PPP1R3E: variants seen among roughly 807,000 people sequenced by gnomAD.
The protein encoded by PPP1R3E is protein phosphatase 1 regulatory subunit 3E, also known as protein phosphatase 1, regulatory (inhibitor) subunit 3E.
In PPP1R3E, 20 loss-of-function variants were observed where a neutral mutation model predicts 18.5. The ratio of observed to expected loss-of-function variants is 1.08; its 90% CI spans 0.76 to 1.58. The LOEUF is 1.58. Among genes scored for constraint, PPP1R3E ranks in the 40% most tolerant of loss-of-function variants. PPP1R3E has a pLI of 0.00. For synonymous variants in PPP1R3E, 208 were observed against 208.1 expected, an observed-to-expected ratio of 1.00 and a Z score of 0.00; for missense variants, 498 against 460.2, an observed-to-expected ratio of 1.08 and a Z score of -0.75.
At chr14:23,301,907 G>C in intron 1 of PPP1R3E, 49 bp from the exon 2 acceptor site, 1 of 1,396,626 alleles carries the variant, frequency 7.2e-7, no homozygotes, top group Non-Finnish European at 9.2e-7. Flanking sequence ...GGAGAGAGGG[G>C]AGAGACAGGG....
rs1375764670 is a variant in PPP1R3E at position 23,301,862 on chromosome 14, G to A, written c.418-4C>T. 1 of 1,428,904 alleles carries A rather than the reference G, an allele frequency of 7.0e-7. No homozygotes were observed. 88.5% of individuals were successfully genotyped at this position (1,428,904 alleles called of 1,614,324 possible). A position where few individuals can be genotyped will look rare whatever the true frequency, so the allele number is the denominator to read the frequency against. ...GCTCCAGGGCGGCGCGCGCCTCCTGGGGGAAAGAAGAAGCGGGAGGAGGGA... is the reference window on the plus strand; with the variant it reads ...GCTCCAGGGCGGCGCGCGCCTCCTGAGGGAAAGAAGAAGCGGGAGGAGGGA... On this transcript the variant is annotated splice_polypyrimidine_tract_variant and splice_region_variant and intron_variant, in intron 1 of 4. Coordinates refer to ENST00000452015, the MANE Select transcript of PPP1R3E (RefSeq NM_001276318.2).
chr14:23,297,939 C>T lies in PPP1R3E; in HGVS notation c.*1365G>A, dbSNP rs1461526241. 1 of 152,128 alleles carries T rather than the reference C, an allele frequency of 6.6e-6. No homozygotes were observed. Among genetic ancestry groups the T allele is most frequent in the African/African-American group, 2.4e-5 (1 of 41,386 alleles). The allele number at this position is 152,128 out of a possible 1,614,324, so 9.4% of individuals were successfully genotyped here. ...TCCTAGAAAAGGCCCAAGCACAGAC[C>T]CTCTAGCAGGTGTCCTAGTCACGGA... On this transcript the variant is annotated 3_prime_UTR_variant, in exon 5 of 5. Transcript: ENST00000452015.
rs3079707 is a variant in PPP1R3E at position 23,299,927 on chromosome 14, G to GTTTTTTTTTTTTTTTTTTTT, written c.*246-406_*246-387dup. 1.1e-3 allele frequency among the ~76,000 whole-genome samples: 108 copies of GTTTTTTTTTTTTTTTTTTTT among 100,644 alleles called. 5 individuals carry two copies. Among genetic ancestry groups the GTTTTTTTTTTTTTTTTTTTT allele is most frequent in the South Asian group, 1.9e-3 (5 of 2,682 alleles). The allele number at this position is 100,644 out of a possible 152,430, so 66.0% of individuals were successfully genotyped here. Reference sequence around the variant, plus strand: ...GTTGCTTTGGTGTTTTTTTGTTTTTGTTTTTTTTTTTTTTTTTTTTTTACA... The same window carrying GTTTTTTTTTTTTTTTTTTTT: ...GTTGCTTTGGTGTTTTTTTGTTTTTGTTTTTTTTTTTTTTTTTTTTTTTTTTTTTTTTTTTTTTTTTTACA... On this transcript the variant is annotated intron_variant, in intron 3 of 4. Coordinates refer to ENST00000452015, the MANE Select transcript of PPP1R3E (RefSeq NM_001276318.2).
chr14:23,301,631 C>CG lies in PPP1R3E; in HGVS notation c.644dup (p.Pro216AlafsTer40). The CG allele has an allele frequency of 7.2e-7, 1 of 1,384,662 alleles. No individual in the cohort carries two copies. 85.8% of individuals were successfully genotyped at this position (1,384,662 alleles called of 1,614,324 possible). Reference sequence around the variant, plus strand: ...GGAAGGCGAAGCGGTCGGCGCGCGGCGGGGGCGGGGCCGGACCGGCGTAGG... The same window carrying CG: ...GGAAGGCGAAGCGGTCGGCGCGCGGCGGGGGGCGGGGCCGGACCGGCGTAGG... On this transcript the variant is annotated frameshift_variant, in exon 2 of 5. Coordinates refer to ENST00000452015, the MANE Select transcript of PPP1R3E (RefSeq NM_001276318.2). LOFTEE classifies it high-confidence loss of function.
chr14:23,302,856 C>G lies in PPP1R3E; in HGVS notation c.-280G>C. On this transcript the variant is annotated 5_prime_UTR_variant, in exon 1 of 5. Transcript: ENST00000452015. ...CGGTCTGCTCTGAGCGTGCGCTCAA[C>G]TGCACTCACCCTCCGGTTCCAAGGC... is the stretch of plus-strand genomic sequence containing the variant. 3 of 383,394 alleles carry G rather than the reference C, an allele frequency of 7.8e-6. No individual in the cohort carries two copies. Among genetic ancestry groups the G allele is most frequent in the Non-Finnish European group, 1.4e-5 (3 of 215,512 alleles). The allele number at this position is 383,394 out of a possible 1,614,324, so 23.7% of individuals were successfully genotyped here. A position where few individuals can be genotyped will look rare whatever the true frequency, so the allele number is the denominator to read the frequency against.
rs1887082345 is a variant in PPP1R3E at position 23,302,716 on chromosome 14, A to C, written c.-140T>G. ...TCGCTGCTGTGTATTCTCCTTGCAG[A>C]CACCTCCAGGATCCTCCACCTCCCG... On this transcript the variant is annotated 5_prime_UTR_variant, in exon 1 of 5. Coordinates refer to ENST00000452015, the MANE Select transcript of PPP1R3E (RefSeq NM_001276318.2). The C allele has an allele frequency of 1.2e-6, 1 of 869,554 alleles. No individual in the cohort carries two copies. The highest frequency in any genetic ancestry group is 1.6e-6 in the Non-Finnish European group (1 of 610,988). 53.9% of individuals were successfully genotyped at this position (869,554 alleles called of 1,614,324 possible). A position where few individuals can be genotyped will look rare whatever the true frequency, so the allele number is the denominator to read the frequency against.
rs754862629 is a variant in PPP1R3E, at chr14:23,301,589, C to A, written c.687G>T (p.Pro229=). The change falls in exon 2 of 5, where the codon CCG becomes CCT. Residue 229 remains proline, a synonymous_variant. Coordinates refer to ENST00000452015, the MANE Select transcript of PPP1R3E (RefSeq NM_001276318.2). The part of the protein sequence containing the change: ...DRFAFRLPAP[P]IGGALLFALR... Reference sequence around the variant, plus strand: ...AGGCGAAGAGCAGGGCGCCCCCAATCGGCGGCGCGGGCAGGCGGAAGGCGA... The same window carrying A: ...AGGCGAAGAGCAGGGCGCCCCCAATAGGCGGCGCGGGCAGGCGGAAGGCGA... 7.6e-6 allele frequency: 11 copies of A among 1,446,896 alleles called. No individual in the cohort carries two copies. Among genetic ancestry groups the A allele is most frequent in the Admixed American group, 2.4e-5 (1 of 41,030 alleles). 89.6% of individuals were successfully genotyped at this position (1,446,896 alleles called of 1,614,324 possible). A position where few individuals can be genotyped will look rare whatever the true frequency, so the allele number is the denominator to read the frequency against.
Position 23,301,375 on chromosome 14 carries a change from C to A in PPP1R3E, c.*61G>T, listed in dbSNP as rs1887029173. 6.1e-6 allele frequency: 8 copies of A among 1,313,666 alleles called. No homozygotes were observed. The highest frequency in any genetic ancestry group is 7.8e-6 in the Non-Finnish European group (8 of 1,030,464). The allele number at this position is 1,313,666 out of a possible 1,614,324, so 81.4% of individuals were successfully genotyped here. ...TCTCTCCTACTCCTCCCCGCCACAT[C>A]GGGTCGCCCCGCCCCCGGGTGCCTT... On this transcript the variant is annotated 3_prime_UTR_variant, in exon 2 of 5. Transcript: ENST00000452015.
In PPP1R3E at chr14:23,302,460, C is replaced by T. The variant is rs1005139331; in HGVS notation, c.117G>A (p.Glu39=). 3 of 1,507,486 alleles carry T rather than the reference C, an allele frequency of 2.0e-6. No homozygotes were observed. The African/African-American group carries it at 4.3e-5, about 22-fold the overall frequency. 93.4% of individuals were successfully genotyped at this position (1,507,486 alleles called of 1,614,324 possible). A position where few individuals can be genotyped will look rare whatever the true frequency, so the allele number is the denominator to read the frequency against. ...GCGTCCCGCCCTCGCCTGGCTCCTC[C>T]TCCGGCTCCTCCTCGAGGCTGGGCC... is the stretch of plus-strand genomic sequence containing the variant. ...SQRPSLEEEP[E]EEPGEGGTRF... is the part of the protein sequence containing the mutation. The change falls in exon 1 of 5, where the codon GAG becomes GAA. Residue 39 remains glutamate (E), a synonymous_variant. Transcript: ENST00000452015.
rs910845642 is a variant in PPP1R3E at position 23,301,543 on chromosome 14, G to A, written c.733C>T (p.His245Tyr). The change falls in exon 2 of 5, where the codon CAC becomes TAC. Residue 245 changes from histidine to tyrosine, a missense_variant. His to Tyr is a moderately conservative substitution (Grantham distance 83). Transcript: ENST00000452015. ...CCGCCGTTGTTGTCCCAGAACTCGT[G>A]ACCTGTCACACGGTAGCGCAAGGCG... ...LFALRYRVTG[H>Y]EFWDNNGGRD... The A allele has an allele frequency of 3.3e-5, 50 of 1,499,080 alleles. No homozygotes were observed. Among genetic ancestry groups the A allele is most frequent in the African/African-American group, 3.2e-4 (22 of 69,588 alleles). The allele number at this position is 1,499,080 out of a possible 1,614,324, so 92.9% of individuals were successfully genotyped here. A position where few individuals can be genotyped will look rare whatever the true frequency, so the allele number is the denominator to read the frequency against.
chr14:23,302,483 G>A lies in PPP1R3E; in HGVS notation c.94C>T (p.Pro32Ser). The A allele has an allele frequency of 6.6e-7, 1 of 1,506,598 alleles. No individual in the cohort carries two copies. The highest frequency in any genetic ancestry group is 8.8e-7 in the Non-Finnish European group (1 of 1,136,336). The allele number at this position is 1,506,598 out of a possible 1,614,324, so 93.3% of individuals were successfully genotyped here. ...TCCTCCGGCTCCTCCTCGAGGCTGG[G>A]CCGCTGGCTACGGTAGTAGGCGCGC... is the stretch of plus-strand genomic sequence containing the variant. ...TERAYYRSQRPSLEEEPEEEP... is the reference protein window; with the variant it reads ...TERAYYRSQRSSLEEEPEEEP... Residue 32 changes from proline (P) to serine (S), a missense_variant, in exon 1 of 5, where the codon CCC (proline) becomes TCC (serine). Physicochemically the swap from Pro to Ser is moderately conservative, Grantham distance 74. Coordinates refer to ENST00000452015, the MANE Select transcript of PPP1R3E (RefSeq NM_001276318.2).
chr14:23,301,329 G>C lies in PPP1R3E; in HGVS notation c.*107C>G, dbSNP rs1233903312. 1 of 1,035,028 alleles carries C rather than the reference G, an allele frequency of 9.7e-7. No individual in the cohort carries two copies. The highest frequency in any genetic ancestry group is 1.2e-6 in the Non-Finnish European group (1 of 857,242). 64.1% of individuals were successfully genotyped at this position (1,035,028 alleles called of 1,614,324 possible). A position where few individuals can be genotyped will look rare whatever the true frequency, so the allele number is the denominator to read the frequency against. On this transcript the variant is annotated 3_prime_UTR_variant, in exon 2 of 5. Coordinates refer to ENST00000452015, the MANE Select transcript of PPP1R3E (RefSeq NM_001276318.2). ...CGCCCTCCCCGGCTTGACTCCCTTG[G>C]ACCGCTCCCGCCAATCCTGGTCTCT...
Position 23,301,571 on chromosome 14 carries a change from G to C in PPP1R3E, c.705C>G (p.Leu235=), listed in dbSNP as rs1039379000. The C allele has an allele frequency of 2.7e-6, 4 of 1,469,716 alleles. No homozygotes were observed. The African/African-American group carries it at 4.4e-5, about 16-fold the overall frequency. The allele number at this position is 1,469,716 out of a possible 1,614,324, so 91.0% of individuals were successfully genotyped here. ...CTGTCACACGGTAGCGCAAGGCGAA[G>C]AGCAGGGCGCCCCCAATCGGCGGCG... The part of the protein sequence containing the change: ...LPAPPIGGAL[L]FALRYRVTGH... Residue 235 remains leucine (L), a synonymous_variant, in exon 2 of 5, where the codon CTC becomes CTG. Transcript: ENST00000452015.
At chr14:23,299,564 A>G (rs1446149710) in intron 3 of PPP1R3E, 23 bp from the exon 4 acceptor site, 6 of 152,268 alleles carry the variant, frequency 3.9e-5, no homozygotes, top group African/African-American at 1.2e-4. Flanking sequence ...GGAATAGCAG[A>G]GATGAACATG....
chr14:23,300,657 C>T (rs907721889), intron 3 of PPP1R3E, 101 bp downstream of exon 3: 3 of 152,254 alleles, frequency 2.0e-5, no homozygotes, highest in Non-Finnish European at 2.9e-5. Flanking sequence ...GAGTGTACAA[C>T]CCCTGAGGCT....
At chr14:23,299,915 T>TTTTTTG (rs938110047) in intron 3 of PPP1R3E, among the ~76,000 whole-genome samples, 3 of 120,008 alleles carry the variant, frequency 2.5e-5, no homozygotes, top group African/African-American at 3.7e-5. Context: ...GCTTTGGTGT[T>TTTTTTG]TTTTTGTTTT....
chr14:23,301,964 C>T, intron 1 of PPP1R3E, 106 bp from the exon 2 acceptor site: 2 of 1,296,380 alleles, frequency 1.5e-6, no homozygotes, highest in Non-Finnish European at 1.0e-6. Context: ...CCGACCCCGG[C>T]GTCCAGGCCG....
Position 23,296,225 on chromosome 14 carries a change from G to C in PPP1R3E, c.*3079C>G, listed in dbSNP as rs555961753. On this transcript the variant is annotated 3_prime_UTR_variant, in exon 5 of 5. Transcript: ENST00000452015. ...CAAAAGTGCCAAAGCTGAGGACACAGAGAATACCATCATTGTCTTTTGTTT... is the reference window on the plus strand; with the variant it reads ...CAAAAGTGCCAAAGCTGAGGACACACAGAATACCATCATTGTCTTTTGTTT... The C allele has an allele frequency of 6.6e-6, 1 of 152,378 alleles. No individual in the cohort carries two copies. Among genetic ancestry groups the C allele is most frequent in the Non-Finnish European group, 1.5e-5 (1 of 68,046 alleles). The allele number at this position is 152,378 out of a possible 1,614,324, so 9.4% of individuals were successfully genotyped here. A position where few individuals can be genotyped will look rare whatever the true frequency, so the allele number is the denominator to read the frequency against.
Position 23,297,381 on chromosome 14 carries a change from A to G in PPP1R3E, c.*1923T>C, listed in dbSNP as rs1188865117. 1 of 152,254 alleles carries G rather than the reference A, an allele frequency of 6.6e-6. No homozygotes were observed. Among genetic ancestry groups the G allele is most frequent in the Admixed American group, 6.5e-5 (1 of 15,280 alleles). 9.4% of individuals were successfully genotyped at this position (152,254 alleles called of 1,614,324 possible). On this transcript the variant is annotated 3_prime_UTR_variant, in exon 5 of 5. Coordinates refer to ENST00000452015, the MANE Select transcript of PPP1R3E (RefSeq NM_001276318.2). The stretch of plus-strand genomic sequence containing the variant: ...ATACAGATGGAAGTTTTGGAAGAGC[A>G]GTGCAAGACGGAAAGGGCATACTGC...
Sources: gnomAD v4.1 joint callset for allele counts (sites outside exome capture counted in the v4.1 genomes callset) on GRCh38, gnomAD v4.1.1 for gene constraint, MANE v1.5 for transcripts, NCBI Gene and HGNC (gene_info 2026-07-23, HGNC 2026-07-21) for gene names.